ULK4: variants seen among roughly 807,000 people sequenced by gnomAD.
ULK4 encodes the protein inactive serine/threonine-protein kinase ULK4.
Under a neutral mutation model 160.6 loss-of-function variants are expected in ULK4, and 133 were observed. The ratio of observed to expected loss-of-function variants is 0.83; its 90% CI spans 0.72 to 0.96. ULK4 has a LOEUF of 0.96. Ranked by LOEUF, ULK4 falls within the 40% of genes least tolerant of loss-of-function variation. ULK4 has a pLI of 0.00. For missense variants in ULK4, 1,580 were observed against 1,499.5 expected (o/e 1.05, Z -0.89); for synonymous variants, 534 against 539.8 (o/e 0.99, Z 0.15).
chr3:41,308,561 G>A (rs1017223894), intron 35 of ULK4, among the ~76,000 whole-genome samples: 2 of 152,096 alleles, frequency 1.3e-5, no homozygotes, highest in African/African-American at 4.8e-5. Context: ...TACAAAAAGT[G>A]AAAAAATGTG....
At chr3:41,528,060 T>C (rs1178328955) in intron 32 of ULK4, among the ~76,000 whole-genome samples, 2 of 152,232 alleles carry the variant, frequency 1.3e-5, no homozygotes. Context: ...AACAGATTAT[T>C]TGAGTATGTA....
At chr3:41,572,272 A>T (rs1164915414) in intron 31 of ULK4, among the ~76,000 whole-genome samples, 1 of 152,116 alleles carries the variant, frequency 6.6e-6, no homozygotes, top group Non-Finnish European at 1.5e-5. Context: ...CTCCAGGTTA[A>T]CCAACACCAC....
At chr3:41,772,703 C>T (rs1205824703) in intron 21 of ULK4, among the ~76,000 whole-genome samples, 3 of 150,830 alleles carry the variant, frequency 2.0e-5, no homozygotes, top group African/African-American at 4.9e-5. Context: ...AGAGGGAATC[C>T]TCCCTAACTC....
chr3:41,553,322 T>G (rs986244665), intron 32 of ULK4, among the ~76,000 whole-genome samples: 2 of 151,956 alleles, frequency 1.3e-5, no homozygotes, highest in African/African-American at 4.8e-5. Context: ...AGACCACTTT[T>G]TGAATGGGAG....
intron 32 of ULK4, among the ~76,000 whole-genome samples, chr3:41,468,872 C>T (rs568750948): frequency 5.5e-4 from 83 of 152,246 alleles, no homozygotes; most frequent in African/African-American, 2.0e-3. Flanking sequence ...TACCACTAGA[C>T]CAACTGGGAT....
chr3:41,273,100 T>C (rs1361233592), intron 35 of ULK4, among the ~76,000 whole-genome samples: 3 of 152,250 alleles, frequency 2.0e-5, no homozygotes, highest in Non-Finnish European at 4.4e-5. Flanking sequence ...TATGAAATTA[T>C]AAAATTGTAT....
chr3:41,396,919 A>C (rs1224440551), intron 35 of ULK4, among the ~76,000 whole-genome samples: 1 of 152,126 alleles, frequency 6.6e-6, no homozygotes, highest in Non-Finnish European at 1.5e-5. Flanking sequence ...TGAAGGAGTC[A>C]ATCTGTTTAT....
chr3:41,566,784 C>T (rs2087797034), intron 31 of ULK4, among the ~76,000 whole-genome samples: 1 of 152,042 alleles, frequency 6.6e-6, no homozygotes, highest in African/African-American at 2.4e-5. Context: ...TTCTTTTGTT[C>T]CCTTTTTCAT....
rs577587060 is a variant in ULK4 at position 41,882,971 on chromosome 3, A to G, written c.1656+903T>C. 2.6e-5 allele frequency among the ~76,000 whole-genome samples: 4 copies of G among 152,308 alleles called. No homozygotes were observed. The South Asian group carries it at 8.3e-4, about 32-fold the overall frequency. On this transcript the variant is annotated intron_variant, in intron 17 of 36. Transcript: ENST00000301831. ...ACCATCAGTAATCATATAGGTCACA[A>G]TTCATTTTTTTAGGCCCCCCAAAAA...
chr3:41,752,502 A>G (rs2038663445), intron 22 of ULK4, among the ~76,000 whole-genome samples: 1 of 152,164 alleles, frequency 6.6e-6, no homozygotes, highest in African/African-American at 2.4e-5. Flanking sequence ...AAGATGAGAA[A>G]CAAGGAGGTT....
chr3:41,619,270 T>G (rs1390034664), intron 30 of ULK4, among the ~76,000 whole-genome samples: 1 of 151,518 alleles, frequency 6.6e-6, no homozygotes, highest in African/African-American at 2.4e-5. Context: ...CTGGACCAAG[T>G]GGACCTAATA....
chr3:41,478,885 T>G (rs1418117603), intron 32 of ULK4, among the ~76,000 whole-genome samples: 1 of 152,240 alleles, frequency 6.6e-6, no homozygotes, highest in African/African-American at 2.4e-5. Context: ...AATTCTATTC[T>G]TAGCTCAACG....
chr3:41,762,561 A>C (rs1258293004), intron 21 of ULK4, among the ~76,000 whole-genome samples: 1 of 151,968 alleles, frequency 6.6e-6, no homozygotes, highest in Non-Finnish European at 1.5e-5. Context: ...GGGAGGCCTC[A>C]GGAAACTTAG....
At chr3:41,499,305 T>C (rs936367733) in intron 32 of ULK4, among the ~76,000 whole-genome samples, 15 of 152,172 alleles carry the variant, frequency 9.9e-5, no homozygotes, top group African/African-American at 3.4e-4. Flanking sequence ...TTTAGCTCTG[T>C]TGAAATGAAG....
Position 41,953,304 on chromosome 3 carries a change from AT to A in ULK4, c.138+1317del, listed in dbSNP as rs60007502. On this transcript the variant is annotated intron_variant, in intron 2 of 36. Transcript: ENST00000301831. ...TATACACATATATATATATATATAT[AT>A]TTTTTTTTTTTTTTGAGATGGAGTC... Among the ~76,000 whole-genome samples, 855 of 124,710 alleles carry A rather than the reference AT, an allele frequency of 6.9e-3. 10 individuals are homozygous for A. The highest frequency in any genetic ancestry group is 0.025 in the African/African-American group (798 of 32,002). The allele number at this position is 124,710 out of a possible 152,430, so 81.8% of individuals were successfully genotyped here.
chr3:41,769,751 T>A (rs1559539272), intron 21 of ULK4, among the ~76,000 whole-genome samples: 1 of 152,158 alleles, frequency 6.6e-6, no homozygotes, highest in Non-Finnish European at 1.5e-5. Flanking sequence ...TTAAGCATAA[T>A]GGTAAAATAT....
chr3:41,619,079 C>T (rs1018710490), intron 30 of ULK4, among the ~76,000 whole-genome samples: 2 of 151,986 alleles, frequency 1.3e-5, no homozygotes, highest in African/African-American at 4.8e-5. Context: ...AGAAGAGCTA[C>T]CTGTGCTAAA....
chr3:41,397,975 A>G (rs1407038960), intron 35 of ULK4, 104 bp downstream of exon 35: 3 of 1,350,862 alleles, frequency 2.2e-6, no homozygotes, highest in East Asian at 2.3e-5. Context: ...AACTCTTGCA[A>G]ATTCTCTGTA....
chr3:41,554,778 A>G (rs1031779283), intron 32 of ULK4, among the ~76,000 whole-genome samples: 6 of 152,206 alleles, frequency 3.9e-5, no homozygotes, highest in African/African-American at 1.4e-4. Flanking sequence ...ATCATTACAC[A>G]TTCTATGTAT....
Sources: allele counts gnomAD v4.1 joint callset (sites outside exome capture counted in the v4.1 genomes callset), GRCh38; gene constraint gnomAD v4.1.1; transcripts MANE v1.5; gene names NCBI Gene and HGNC (gene_info 2026-07-23, HGNC 2026-07-21).